Variants in MACC1 observed in about 807,000 individuals in gnomAD.
The protein encoded by MACC1 is metastasis-associated in colon cancer protein 1.
A neutral mutation model predicts 70.7 loss-of-function variants in MACC1; 79 were observed. The observed-to-expected ratio is 1.12, with a 90% CI of 0.93 to 1.35. The LOEUF (loss-of-function observed/expected upper bound fraction) is 1.35. MACC1 is among the 40% of genes most tolerant of loss of function. MACC1 has a pLI of 0.00. For synonymous variants in MACC1, 361 were observed against 347.2 expected (o/e 1.04, Z -0.44); for missense variants, 1,106 against 978.1 (o/e 1.13, Z -1.74).
At chr7:20,142,529 G>A (rs73276414) in intron 6 of MACC1, among the ~76,000 whole-genome samples, 17,619 of 152,046 alleles carry the variant, frequency 0.12, 1,207 homozygotes, top group Non-Finnish European at 0.15. Context: ...CTCACCAACC[G>A]GATTAATAAT....
At position 20,159,732 on chromosome 7, in the gene MACC1, G is replaced by C. The variant is rs535198484; in HGVS notation, c.629C>G (p.Ala210Gly). ...TACTTTGCAAGCTATGGTGACCTCC[G>C]CAAGTTGTGTCTGGGCCCATCCAGG... ...QSPGWAQTQL[A>G]EVTIACKVNH... is the part of the protein sequence containing the mutation. Residue 210 changes from alanine (A) to glycine (G), a missense_variant, in exon 5 of 7, where the codon GCG becomes GGG. By Grantham distance (60) the Ala-to-Gly change is moderately conservative (BLOSUM62 0). Transcript: ENST00000400331. 3 of 1,613,954 alleles carry C rather than the reference G, an allele frequency of 1.9e-6. No homozygotes were observed. Among genetic ancestry groups the C allele is most frequent in the East Asian group, 2.2e-5 (1 of 44,888 alleles).
intron 1 of MACC1, among the ~76,000 whole-genome samples, chr7:20,176,269 T>G (rs1023534155): frequency 6.6e-6 from 1 of 152,086 alleles, no homozygotes; most frequent in Non-Finnish European, 1.5e-5. Context: ...TATACAATCT[T>G]CATCAATTAT....
In MACC1 at chr7:20,161,744, A is replaced by G. The variant is rs768245910; in HGVS notation, c.115+4T>C. 6.4e-7 allele frequency: 1 copy of G among 1,567,496 alleles called. No homozygotes were observed. Among genetic ancestry groups the G allele is most frequent in the Non-Finnish European group, 8.8e-7 (1 of 1,138,404 alleles). ...CAAATCACAACAGTTATAAATTCCCATACCTGTAATATTGCAACTTTTTGA... is the reference window on the plus strand; with the variant it reads ...CAAATCACAACAGTTATAAATTCCCGTACCTGTAATATTGCAACTTTTTGA... On this transcript the variant is annotated splice_donor_region_variant and intron_variant, in intron 4 of 6. Coordinates refer to ENST00000400331, the MANE Select transcript of MACC1 (RefSeq NM_182762.4).
chr7:20,213,932 AACTC>A (rs1783033788), intron 1 of MACC1, among the ~76,000 whole-genome samples: 1 of 152,098 alleles, frequency 6.6e-6, no homozygotes, highest in South Asian at 2.1e-4. Flanking sequence ...AATAAATAAA[AACTC>A]AAGAGCAGCT....
intron 1 of MACC1, among the ~76,000 whole-genome samples, chr7:20,191,502 G>C (rs1410526556): frequency 7.2e-5 from 11 of 152,150 alleles, no homozygotes; most frequent in Admixed American, 4.6e-4. Flanking sequence ...GTAGGAGTTG[G>C]TGCTATCAGT....
At chr7:20,192,836 G>A (rs897184225) in intron 1 of MACC1, among the ~76,000 whole-genome samples, 2 of 152,186 alleles carry the variant, frequency 1.3e-5, no homozygotes, top group African/African-American at 4.8e-5. Context: ...CGGTACTCAT[G>A]AAGATTCAGG....
intron 5 of MACC1, among the ~76,000 whole-genome samples, chr7:20,156,799 T>C (rs964377039): frequency 6.6e-6 from 1 of 152,242 alleles, no homozygotes; most frequent in Non-Finnish European, 1.5e-5. Flanking sequence ...TCATTGTTAA[T>C]GCCACAGATT....
intron 6 of MACC1, chr7:20,153,374 T>TGCTC (rs773410412): frequency 6.6e-6 from 1 of 152,246 alleles, no homozygotes; most frequent in Non-Finnish European, 1.5e-5. Context: ...ATACAGCTTC[T>TGCTC]GCTCTCACCA....
intron 6 of MACC1, chr7:20,147,352 T>C (rs1362043802): frequency 6.6e-6 from 1 of 152,226 alleles, no homozygotes; most frequent in African/African-American, 2.4e-5. Context: ...CAATTGGTTT[T>C]AACTACTTTT....
At chr7:20,194,358 C>T (rs1029669051) in intron 1 of MACC1, among the ~76,000 whole-genome samples, 2 of 152,176 alleles carry the variant, frequency 1.3e-5, no homozygotes, top group African/African-American at 2.4e-5. Flanking sequence ...TTGTCTACTC[C>T]ACTCCAAACA....
chr7:20,154,079 G>C lies in MACC1; in HGVS notation c.2346+114C>G, dbSNP rs796581534. ...TTACTAGTGCAGTGATTCAGTTAGT[G>C]GATCATCTTGGACATTCCCCCAGTG... On this transcript the variant is annotated intron_variant, in intron 6 of 6. Coordinates refer to ENST00000400331, the MANE Select transcript of MACC1 (RefSeq NM_182762.4). 13 of 1,039,862 alleles carry C rather than the reference G, an allele frequency of 1.3e-5. No homozygotes were observed. In the African/African-American group the frequency reaches 2.1e-4, roughly 16 times the overall value. The allele number at this position is 1,039,862 out of a possible 1,614,324, so 64.4% of individuals were successfully genotyped here.
chr7:20,212,088 T>C (rs1226473425), intron 1 of MACC1, among the ~76,000 whole-genome samples: 1 of 152,186 alleles, frequency 6.6e-6, no homozygotes, highest in Non-Finnish European at 1.5e-5. Flanking sequence ...ACTGCAGTGA[T>C]ATCGACAAAG....
intron 1 of MACC1, among the ~76,000 whole-genome samples, chr7:20,171,196 GTTA>G (rs1222414715): frequency 6.6e-6 from 1 of 151,836 alleles, no homozygotes; most frequent in African/African-American, 2.4e-5. Context: ...AAGTATTTTT[GTTA>G]TTATTAATGC....
intron 1 of MACC1, among the ~76,000 whole-genome samples, chr7:20,204,492 T>G (rs571091046): frequency 6.6e-6 from 1 of 152,194 alleles, no homozygotes; most frequent in Non-Finnish European, 1.5e-5. Context: ...GTCTTTCTAT[T>G]TGGCATATCT....
intron 2 of MACC1, among the ~76,000 whole-genome samples, chr7:20,164,669 C>G (rs866363679): frequency 2.6e-5 from 4 of 152,088 alleles, no homozygotes; most frequent in African/African-American, 9.7e-5. Context: ...TCCTGGCAGA[C>G]CTTCCAAATG....
At chr7:20,183,843 G>C (rs967890157) in intron 1 of MACC1, among the ~76,000 whole-genome samples, 2 of 151,928 alleles carry the variant, frequency 1.3e-5, no homozygotes, top group Non-Finnish European at 2.9e-5. Flanking sequence ...AAGTAACTGG[G>C]ATCACAGGCG....
intron 1 of MACC1, among the ~76,000 whole-genome samples, chr7:20,188,413 G>A (rs1255723408): frequency 1.3e-5 from 2 of 152,172 alleles, no homozygotes; most frequent in Non-Finnish European, 2.9e-5. Flanking sequence ...TCGACTCAAA[G>A]AAGTTGTAAA....
rs755933486 is a variant in MACC1, at chr7:20,154,358, T to C, written c.2181A>G (p.Gln727=). ...CTTGGATGAGACGTGCGACTAACTC[T>C]TGGCAATCCATTTTCAGAAGAGCCT... The part of the protein sequence containing the change: ...LIVALLKMDC[Q]ELVARLIQEA... The change falls in exon 6 of 7, where the codon CAA becomes CAG. Residue 727 remains glutamine (Q), a synonymous_variant. Coordinates refer to ENST00000400331, the MANE Select transcript of MACC1 (RefSeq NM_182762.4). 18 of 1,613,494 alleles carry C rather than the reference T, an allele frequency of 1.1e-5. No individual in the cohort carries two copies. In the South Asian group the frequency reaches 1.6e-4, roughly 15 times the overall value.
In MACC1 at chr7:20,140,986, A is replaced by T. The variant is rs745483512; in HGVS notation, c.2519T>A (p.Val840Asp). The T allele has an allele frequency of 6.2e-7, 1 of 1,613,378 alleles. No homozygotes were observed. The highest frequency in any genetic ancestry group is 2.2e-5 in the East Asian group (1 of 44,854). The change falls in exon 7 of 7, where the codon GTT becomes GAT. Residue 840 changes from valine to aspartate, a missense_variant. By Grantham distance (152) the Val-to-Asp change is radical (BLOSUM62 -3). Transcript: ENST00000400331. ...GVLILVNSLEVLRVTAFSTSE... is the reference protein window; with the variant it reads ...GVLILVNSLEDLRVTAFSTSE... The stretch of plus-strand genomic sequence containing the variant: ...AGTGGAGAATGCAGTTACTCTCAAA[A>T]CCTCCAAAGAATTTACTAGTATTAA...
Sources: allele counts gnomAD v4.1 joint callset (sites outside exome capture counted in the v4.1 genomes callset), GRCh38; gene constraint gnomAD v4.1.1; transcripts MANE v1.5; gene names NCBI Gene and HGNC (gene_info 2026-07-23, HGNC 2026-07-21).